The following KIAA0825 variants were observed in gnomAD, a reference collection of about 807,000 sequenced individuals.
KIAA0825 encodes KIAA0825.
KIAA0825 carries 119 observed loss-of-function variants against 147.6 expected under a neutral mutation model. That is an observed-to-expected ratio of 0.81 (90% CI 0.69 to 0.94). The LOEUF is 0.94. KIAA0825 is among the 40% of genes least tolerant of loss of function. KIAA0825 has a pLI of 0.00. For synonymous variants in KIAA0825, 470 were observed against 518.1 expected, an observed-to-expected ratio of 0.91 and a Z score of 1.26; for missense variants, 1,381 against 1,472.7, an observed-to-expected ratio of 0.94 and a Z score of 1.02.
chr5:94,483,332 T>C (rs1390134633), intron 6 of KIAA0825, among the ~76,000 whole-genome samples: 2 of 152,030 alleles, frequency 1.3e-5, no homozygotes, highest in East Asian at 3.8e-4. Flanking sequence ...GTTCATTCTG[T>C]TTCTTGATGC....
At position 94,396,498 on chromosome 5, in the gene KIAA0825, G is replaced by A. The variant is rs1340040627; in HGVS notation, c.2899C>T (p.Leu967Phe). 6.8e-7 allele frequency: 1 copy of A among 1,479,918 alleles called. No homozygotes were observed. Among genetic ancestry groups the A allele is most frequent in the Admixed American group, 2.7e-5 (1 of 36,718 alleles). 91.7% of individuals were successfully genotyped at this position (1,479,918 alleles called of 1,614,324 possible). A position where few individuals can be genotyped will look rare whatever the true frequency, so the allele number is the denominator to read the frequency against. The change falls in exon 17 of 21, where the codon CTT becomes TTT. Residue 967 changes from leucine (L) to phenylalanine (F), a missense_variant. Physicochemically the swap from Leu to Phe is conservative, Grantham distance 22. Transcript: ENST00000682413. ...ACAATAGATACTGCCTGAGCAGTAA[G>A]CCTTGTGAAGCCTGGGGAAGAAAAG... is the stretch of plus-strand genomic sequence containing the variant. ...RKESCKSFTR[L>F]TAQAVSIVIS...
intron 1 of KIAA0825, among the ~76,000 whole-genome samples, chr5:94,585,731 A>C (rs1242452513): frequency 6.6e-6 from 1 of 152,170 alleles, no homozygotes; most frequent in Non-Finnish European, 1.5e-5. Context: ...AATCAACAGA[A>C]TATACATTCT....
chr5:94,594,580 G>C (rs1314050653), intron 1 of KIAA0825: 6 of 710,044 alleles, frequency 8.5e-6, no homozygotes, highest in Non-Finnish European at 1.6e-5. Context: ...GGAGCTGAAA[G>C]GATTGCTTTG....
At chr5:94,611,639 C>T (rs1024993374) in intron 1 of KIAA0825, among the ~76,000 whole-genome samples, 1 of 148,236 alleles carries the variant, frequency 6.7e-6, no homozygotes, top group African/African-American at 2.5e-5. Context: ...CCATGGATCC[C>T]AAAGTGCTGG....
At chr5:94,274,714 G>A (rs904318088) in intron 20 of KIAA0825, among the ~76,000 whole-genome samples, 3 of 152,264 alleles carry the variant, frequency 2.0e-5, no homozygotes, top group Non-Finnish European at 2.9e-5. Flanking sequence ...AAGCAGCAAC[G>A]GATGAGTAAC....
intron 13 of KIAA0825, among the ~76,000 whole-genome samples, chr5:94,449,521 T>G (rs963255357): frequency 6.6e-6 from 1 of 152,108 alleles, no homozygotes; most frequent in African/African-American, 2.4e-5. Context: ...TGGAAGCATG[T>G]AACAACACTG....
rs11363132 is a variant in KIAA0825, at chr5:94,151,423, CAAAAAAAAAAAAA to C, written c.*2571_*2583del. ...TGGGCGACAGAGCGAGACTCCGTCT[CAAAAAAAAAAAAA>C]AAAAAAAAAAAAAAACATATTGAGT... On this transcript the variant is annotated 3_prime_UTR_variant, in exon 21 of 21. Transcript: ENST00000682413. 1.4e-4 allele frequency among the ~76,000 whole-genome samples: 3 copies of C among 21,548 alleles called. No individual in the cohort carries two copies. Among genetic ancestry groups the C allele is most frequent in the African/African-American group, 3.1e-4 (2 of 6,468 alleles). The allele number at this position is 21,548 out of a possible 152,430, so 14.1% of individuals were successfully genotyped here.
intron 5 of KIAA0825, among the ~76,000 whole-genome samples, chr5:94,515,008 C>A (rs563294581): frequency 2.0e-5 from 3 of 152,248 alleles, no homozygotes; most frequent in South Asian, 2.1e-4. Context: ...CCTAAGTCTT[C>A]CTTTTTCAAG....
Position 94,419,999 on chromosome 5 carries a change from G to T in KIAA0825, c.2498-2634C>A, listed in dbSNP as rs575029170. ...AAATTTTTTCAGGGAACACAGACAA[G>T]TTACAAAGCAGATCATGTCTCAGCC... On this transcript the variant is annotated intron_variant, in intron 14 of 20. Transcript: ENST00000682413. Among the ~76,000 whole-genome samples the T allele has an allele frequency of 2.6e-5, 4 of 152,262 alleles. No individual in the cohort carries two copies. In the East Asian group the frequency reaches 7.7e-4, roughly 29 times the overall value.
chr5:94,364,571 A>C (rs34700909), intron 20 of KIAA0825, among the ~76,000 whole-genome samples: 39,900 of 151,444 alleles, frequency 0.26, 6,064 homozygotes, highest in Non-Finnish European at 0.36. Flanking sequence ...TTTAGTAGAG[A>C]CGGGGTTTCA....
At chr5:94,528,412 T>G (rs966222660) in intron 3 of KIAA0825, among the ~76,000 whole-genome samples, 2 of 152,202 alleles carry the variant, frequency 1.3e-5, no homozygotes, top group African/African-American at 4.8e-5. Context: ...AGAATGGCTC[T>G]TCAATGGTCC....
chr5:94,198,875 G>C (rs1771395344), intron 20 of KIAA0825, among the ~76,000 whole-genome samples: 1 of 152,126 alleles, frequency 6.6e-6, no homozygotes, highest in South Asian at 2.1e-4. Flanking sequence ...TGAAATTCCT[G>C]TTGTGAATTT....
chr5:94,466,994 T>C (rs1330117901), intron 10 of KIAA0825, among the ~76,000 whole-genome samples: 1 of 152,166 alleles, frequency 6.6e-6, no homozygotes, highest in Non-Finnish European at 1.5e-5. Context: ...GTTCTTATTA[T>C]AACGTGATCA....
intron 20 of KIAA0825, among the ~76,000 whole-genome samples, chr5:94,184,515 T>G: frequency 6.6e-6 from 1 of 152,164 alleles, no homozygotes; most frequent in South Asian, 2.1e-4. Flanking sequence ...ATACTCTTTA[T>G]ATTAGAATGT....
chr5:94,470,266 GA>G lies in KIAA0825; in HGVS notation c.1722-156del, dbSNP rs916272701. On this transcript the variant is annotated intron_variant, in intron 9 of 20. Transcript: ENST00000682413. ...GCATCCACATTCACTTTCCAAAAAG[GA>G]AAAAAAAAAATAAAAAAGCTGGTCT... Among the ~76,000 whole-genome samples the G allele has an allele frequency of 1.4e-3, 205 of 144,038 alleles. 2 individuals are homozygous for G. The highest frequency in any genetic ancestry group is 6.8e-3 in the South Asian group (31 of 4,560). The allele number at this position is 144,038 out of a possible 152,430, so 94.5% of individuals were successfully genotyped here.
chr5:94,327,420 A>G (rs1056219368), intron 20 of KIAA0825, among the ~76,000 whole-genome samples: 1 of 152,096 alleles, frequency 6.6e-6, no homozygotes, highest in African/African-American at 2.4e-5. Context: ...AAGGGGAAAT[A>G]AAAACTCATT....
chr5:94,430,482 C>A (rs1220241932), intron 14 of KIAA0825, among the ~76,000 whole-genome samples: 2 of 152,142 alleles, frequency 1.3e-5, no homozygotes, highest in East Asian at 3.9e-4. Flanking sequence ...AATGGCTCTT[C>A]TAGCAAGGAC....
At chr5:94,381,204 G>A (rs994496417) in intron 20 of KIAA0825, among the ~76,000 whole-genome samples, 6 of 152,090 alleles carry the variant, frequency 3.9e-5, no homozygotes, top group Non-Finnish European at 7.4e-5. Context: ...CTGAGTGTTC[G>A]ATCTTACAGC....
intron 15 of KIAA0825, chr5:94,415,927 G>T (rs2150704966): frequency 6.6e-6 from 1 of 152,280 alleles, no homozygotes; most frequent in South Asian, 2.1e-4. Flanking sequence ...GAAGCATGAG[G>T]GTCACTGATT....
Sources: gnomAD v4.1 joint callset for allele counts (sites outside exome capture counted in the v4.1 genomes callset) on GRCh38, gnomAD v4.1.1 for gene constraint, MANE v1.5 for transcripts, NCBI Gene and HGNC (gene_info 2026-07-23, HGNC 2026-07-21) for gene names.